LIPA: variants seen among roughly 807,000 people sequenced by gnomAD.
LIPA encodes lipase A, lysosomal acid type, also known as lysosomal acid lipase/cholesteryl ester hydrolase.
A neutral mutation model predicts 40.6 loss-of-function variants in LIPA; 26 were observed. That is an observed-to-expected ratio of 0.64 (90% CI 0.47 to 0.89). The LOEUF is 0.89. Among genes scored for constraint, LIPA ranks in the 40% least tolerant of loss-of-function variants. The pLI is 0.00. For synonymous variants in LIPA, 188 were observed against 168.4 expected (o/e 1.12, Z -0.90); for missense variants, 455 against 479.6 (o/e 0.95, Z 0.48).
At chr10:89,323,371 G>A (rs1843581777) in intron 1 of LIPA, among the ~76,000 whole-genome samples, 2 of 152,032 alleles carry the variant, frequency 1.3e-5, no homozygotes, top group Admixed American at 6.6e-5. Flanking sequence ...TTCCCCTTGA[G>A]AACTGGAAAA....
chr10:89,244,426 T>C lies in LIPA; in HGVS notation c.229+1250A>G, dbSNP rs1297990357. Among the ~76,000 whole-genome samples the C allele has an allele frequency of 4.6e-5, 7 of 152,262 alleles. No homozygotes were observed. The East Asian group carries it at 1.4e-3, about 29-fold the overall frequency. ...AGAATAAATAGCTATCTAACTACCT[T>C]AATCTAAACCTTAATTTCCCCAAGA... On this transcript the variant is annotated intron_variant, in intron 3 of 9. Coordinates refer to ENST00000336233, the MANE Select transcript of LIPA (RefSeq NM_000235.4).
chr10:89,320,858 AC>A (rs1257825044), intron 1 of LIPA, among the ~76,000 whole-genome samples: 200 of 152,284 alleles, frequency 1.3e-3, no homozygotes, highest in African/African-American at 4.5e-3. Flanking sequence ...TGGTACTGGT[AC>A]CAAAACAGAG....
At chr10:89,357,784 T>A (rs990328249) in intron 2 of LIPA, among the ~76,000 whole-genome samples, 2 of 152,194 alleles carry the variant, frequency 1.3e-5, no homozygotes, top group African/African-American at 4.8e-5. Context: ...GTTCAATTTT[T>A]ATTTGAAAGC....
intron 3 of LIPA, among the ~76,000 whole-genome samples, chr10:89,228,845 GC>G (rs1366370149): frequency 1.3e-5 from 2 of 152,158 alleles, no homozygotes; most frequent in Non-Finnish European, 2.9e-5. Context: ...ATCCAAAAAC[GC>G]TGAAAACACC....
intron 2 of LIPA, chr10:89,392,466 T>TTCCCCCCCC (rs1844266224): frequency 1.7e-5 from 5 of 287,684 alleles, no homozygotes; most frequent in South Asian, 5.5e-5. Context: ...AAAGTTTCAT[T>TTCCCCCCCC]CCCCACCCCC....
intron 1 of LIPA, chr10:89,328,213 TG>T: frequency 1.1e-6 from 1 of 935,404 alleles, no homozygotes; most frequent in Non-Finnish European, 1.7e-6. Flanking sequence ...TCTGAGCATT[TG>T]TAAGATGTTT....
At chr10:89,296,311 T>C (rs1843414764) in intron 1 of LIPA, among the ~76,000 whole-genome samples, 1 of 151,850 alleles carries the variant, frequency 6.6e-6, no homozygotes, top group Admixed American at 6.6e-5. Context: ...CTGGCCAACA[T>C]GGCAATACCC....
In LIPA at chr10:89,245,799, G is replaced by T. The variant is rs141302830; in HGVS notation, c.112-6C>A. 7.2e-7 allele frequency: 1 copy of T among 1,393,970 alleles called. No homozygotes were observed. Among genetic ancestry groups the T allele is most frequent in the East Asian group, 2.3e-5 (1 of 43,894 alleles). The allele number at this position is 1,393,970 out of a possible 1,614,324, so 86.4% of individuals were successfully genotyped here. On this transcript the variant is annotated splice_region_variant and splice_polypyrimidine_tract_variant and intron_variant, in intron 2 of 9. Transcript: ENST00000336233. Reference sequence around the variant, plus strand: ...CAGTAAGAGATAATTTCACTCTGTAGAGAAAAAGGACGATGGAAATTGGGT... The same window carrying T: ...CAGTAAGAGATAATTTCACTCTGTATAGAAAAAGGACGATGGAAATTGGGT...
intron 2 of LIPA, among the ~76,000 whole-genome samples, chr10:89,368,065 C>T (rs1034130390): frequency 2.0e-5 from 3 of 152,142 alleles, no homozygotes; most frequent in Non-Finnish European, 4.4e-5. Flanking sequence ...AAGAAGTCCT[C>T]CTGCCTTGGC....
chr10:89,392,520 T>A, intron 2 of LIPA: 1 of 178,980 alleles, frequency 5.6e-6, no homozygotes, highest in Non-Finnish European at 1.1e-5. Flanking sequence ...CACTTTCCCC[T>A]TTCGGTTTCC....
chr10:89,401,276 C>A (rs1387704457), intron 2 of LIPA, among the ~76,000 whole-genome samples: 2 of 151,996 alleles, frequency 1.3e-5, no homozygotes, highest in African/African-American at 2.4e-5. Flanking sequence ...ACCACCATGC[C>A]CACCTAATTT....
intron 2 of LIPA, chr10:89,405,762 C>T (rs1844519765): frequency 6.6e-6 from 1 of 152,214 alleles, no homozygotes; most frequent in Non-Finnish European, 1.5e-5. Context: ...AAGGACGCAC[C>T]AGGTCCACCT....
Position 89,247,586 on chromosome 10 carries a change from C to T in LIPA, c.63G>A (p.Gly21=), listed in dbSNP as rs1218489545. 2 of 1,613,278 alleles carry T rather than the reference C, an allele frequency of 1.2e-6. No homozygotes were observed. The highest frequency in any genetic ancestry group is 2.7e-5 in the African/African-American group (2 of 74,854). Residue 21 remains glycine, a synonymous_variant, in exon 2 of 10, where the codon GGG becomes GGA. Transcript: ENST00000336233. ...CLVLWTLHSE[G]SGGKLTAVDP... The stretch of plus-strand genomic sequence containing the variant: ...CCACAGCTGTCAGTTTCCCTCCAGA[C>T]CCCTCAGAATGCAGGGTCCAGAGAA...
chr10:89,352,830 T>A lies in LIPA; in HGVS notation c.61+59961A>T, dbSNP rs182021972. Among the ~76,000 whole-genome samples the A allele has an allele frequency of 9.3e-5, 14 of 151,074 alleles. No homozygotes were observed. The East Asian group carries it at 2.7e-3, about 30-fold the overall frequency. On this transcript the variant is annotated intron_variant, in intron 2 of 8. Transcript: ENST00000371837. ...AAAAAGCTACATACTTCCTTCACAA[T>A]TTGTCCATAAGGAAATTCCTTGTGG... is the stretch of plus-strand genomic sequence containing the variant.
At chr10:89,396,655 A>T (rs1222128968) in intron 2 of LIPA, among the ~76,000 whole-genome samples, 1 of 152,224 alleles carries the variant, frequency 6.6e-6, no homozygotes, top group African/African-American at 2.4e-5. Flanking sequence ...CAAAATTGTG[A>T]CACTAGAGAT....
chr10:89,315,234 T>C (rs1208665412), intron 1 of LIPA, among the ~76,000 whole-genome samples: 1 of 152,248 alleles, frequency 6.6e-6, no homozygotes, highest in African/African-American at 2.4e-5. Context: ...TTATACCATT[T>C]ATGATATCAC....
intron 1 of LIPA, among the ~76,000 whole-genome samples, chr10:89,311,457 G>A (rs1210603712): frequency 6.6e-6 from 1 of 150,442 alleles, no homozygotes; most frequent in East Asian, 1.9e-4. Context: ...ATGAACCTGG[G>A]AGGTGGTAGT....
intron 3 of LIPA, among the ~76,000 whole-genome samples, chr10:89,238,711 A>T (rs2183934): frequency 6.6e-6 from 1 of 151,744 alleles, no homozygotes; most frequent in Non-Finnish European, 1.5e-5. Flanking sequence ...AATACATCCT[A>T]TTTTCCTTAT....
At chr10:89,235,838 T>A (rs1027828611) in intron 3 of LIPA, among the ~76,000 whole-genome samples, 4 of 152,244 alleles carry the variant, frequency 2.6e-5, no homozygotes, top group African/African-American at 9.6e-5. Flanking sequence ...TGTCCTTTTC[T>A]AAAGTGAGAA....
Sources: allele counts gnomAD v4.1 joint callset (sites outside exome capture counted in the v4.1 genomes callset), GRCh38; gene constraint gnomAD v4.1.1; transcripts MANE v1.5; gene names NCBI Gene and HGNC (gene_info 2026-07-23, HGNC 2026-07-21).